Variants in SEC31B observed in about 807,000 individuals in gnomAD.
The protein encoded by SEC31B is protein transport protein Sec31B.
A neutral mutation model predicts 135.0 loss-of-function variants in SEC31B; 113 were observed. The ratio of observed to expected loss-of-function variants is 0.84; its 90% CI spans 0.72 to 0.98. SEC31B has a LOEUF of 0.98. SEC31B is among the 50% of genes least tolerant of loss of function. SEC31B has a pLI of 0.00. For synonymous variants in SEC31B, 508 were observed against 549.4 expected, an observed-to-expected ratio of 0.92 and a Z score of 1.05; for missense variants, 1,296 against 1,421.1, an observed-to-expected ratio of 0.91 and a Z score of 1.42.
intron 3 of SEC31B, 95 bp downstream of exon 3, chr10:100,516,001 C>CA (rs1680152150): frequency 6.9e-7 from 1 of 1,440,056 alleles, no homozygotes; most frequent in African/African-American, 1.5e-5. Context: ...CTTCTTCCCT[C>CA]ACTTGGCTCC....
At chr10:100,502,118 G>A in intron 11 of SEC31B, 136 bp downstream of exon 11, 1 of 693,896 alleles carries the variant, frequency 1.4e-6, no homozygotes, top group East Asian at 2.5e-5. Flanking sequence ...GGTATAGTGT[G>A]GGGGAAAAAC....
At chr10:100,488,772 T>C in intron 24 of SEC31B, 86 bp downstream of exon 24, 1 of 1,450,182 alleles carries the variant, frequency 6.9e-7, no homozygotes. Flanking sequence ...GAGAAGAGAG[T>C]CACACAAGGA....
At chr10:100,490,944 CAG>C in intron 19 of SEC31B, 61 bp from the exon 20 acceptor site, 2 of 1,217,496 alleles carry the variant, frequency 1.6e-6, no homozygotes, top group Non-Finnish European at 2.1e-6. Context: ...TAATAGAAAA[CAG>C]AAAAATAATA....
rs1554841346 is a variant in SEC31B, at chr10:100,498,029, C to T, written c.1863G>A (p.Ser621=). 1.4e-5 allele frequency: 23 copies of T among 1,613,986 alleles called. No homozygotes were observed. Among genetic ancestry groups the T allele is most frequent in the Admixed American group, 8.3e-5 (5 of 60,000 alleles). The change falls in exon 15 of 26, where the codon TCG becomes TCA. Residue 621 remains serine, a splice_region_variant and synonymous_variant. Transcript: ENST00000370345. ...CTTCTCCTGCATGATGGGCAGTTACCGAGGAGATTTTGGTTTTCTTCTTGG... is the reference window on the plus strand; with the variant it reads ...CTTCTCCTGCATGATGGGCAGTTACTGAGGAGATTTTGGTTTTCTTCTTGG... ...YLAKKKTKIS[S]LLACVVQKNW...
chr10:100,511,099 G>T (rs1222862281), intron 3 of SEC31B, among the ~76,000 whole-genome samples: 1 of 152,234 alleles, frequency 6.6e-6, no homozygotes, highest in African/African-American at 2.4e-5. Context: ...GAGACCTCAA[G>T]GGGGAGTCAC....
chr10:100,495,217 G>A, intron 19 of SEC31B, 168 bp downstream of exon 19: 1 of 700,068 alleles, frequency 1.4e-6, no homozygotes, highest in Non-Finnish European at 2.4e-6. Context: ...TATGTCCTAA[G>A]AGCCTAGTAG....
rs1359990988 is a variant in SEC31B, at chr10:100,496,265, C to T, written c.2303G>A (p.Cys768Tyr). 1 of 1,613,922 alleles carries T rather than the reference C, an allele frequency of 6.2e-7. No homozygotes were observed. The highest frequency in any genetic ancestry group is 2.2e-5 in the East Asian group (1 of 44,892). The change falls in exon 18 of 26, where the codon TGT (cysteine) becomes TAT (tyrosine). Residue 768 changes from cysteine to tyrosine, a missense_variant. Transcript: ENST00000370345. ...ATAMSFLPRD[C>Y]AQPPVQQLRD... ...CCACATGGCCCCACTTACCTGAGCA[C>T]AGTCCCTGGGTAGAAAGCTCATGGC...
In SEC31B at chr10:100,487,743, GCATCCACA is replaced by G; in HGVS notation, c.3405_3412del (p.Val1136ArgfsTer4). 2 of 1,614,038 alleles carry G rather than the reference GCATCCACA, an allele frequency of 1.2e-6. No individual in the cohort carries two copies. Among genetic ancestry groups the G allele is most frequent in the Admixed American group, 1.7e-5 (1 of 60,002 alleles). On this transcript the variant is annotated frameshift_variant, in exon 26 of 26. Coordinates refer to ENST00000370345, the MANE Select transcript of SEC31B (RefSeq NM_015490.4). LOFTEE classifies it high-confidence loss of function. ...TGCAAGGCCCTGCTCAAAGCTTCCT[GCATCCACA>G]CATCGGGCAACCTCATGGAGCCCAG... is the stretch of plus-strand genomic sequence containing the variant.
chr10:100,498,558 T>G lies in SEC31B; in HGVS notation c.1684+147A>C. 3 of 633,526 alleles carry G rather than the reference T, an allele frequency of 4.7e-6. No individual in the cohort carries two copies. In the East Asian group the frequency reaches 7.9e-5, roughly 17 times the overall value. The allele number at this position is 633,526 out of a possible 1,614,324, so 39.2% of individuals were successfully genotyped here. A position where few individuals can be genotyped will look rare whatever the true frequency, so the allele number is the denominator to read the frequency against. On this transcript the variant is annotated intron_variant, in intron 14 of 25. Transcript: ENST00000370345. ...ATGAAAATCTACAACCAGAGAGAGC[T>G]CTAACTGGTAAGCGACTCACTCAGC...
At chr10:100,519,059 A>C (rs2133703167) in intron 1 of SEC31B, among the ~76,000 whole-genome samples, 1 of 152,336 alleles carries the variant, frequency 6.6e-6, no homozygotes, top group Middle Eastern at 3.4e-3. Flanking sequence ...TTATCAGGTA[A>C]GTACTATGAT....
At chr10:100,488,144 AC>A in intron 24 of SEC31B, 46 bp from the exon 25 acceptor site, 1 of 1,517,202 alleles carries the variant, frequency 6.6e-7, no homozygotes, top group Non-Finnish European at 9.2e-7. Context: ...TAAGTCTAAC[AC>A]CACACAGGGC....
chr10:100,494,575 G>T (rs1331523056), intron 19 of SEC31B, among the ~76,000 whole-genome samples: 1 of 152,076 alleles, frequency 6.6e-6, no homozygotes, highest in Non-Finnish European at 1.5e-5. Flanking sequence ...TTCTCAAAAG[G>T]CTTCGGCTTA....
At chr10:100,488,724 A>G (rs1564647336) in intron 24 of SEC31B, 134 bp downstream of exon 24, 2 of 1,241,150 alleles carry the variant, frequency 1.6e-6, no homozygotes, top group African/African-American at 3.1e-5. Context: ...ATGGACGTCA[A>G]TTAAGTACAA....
At chr10:100,505,915 G>C in intron 9 of SEC31B, 125 bp downstream of exon 9, 2 of 1,539,186 alleles carry the variant, frequency 1.3e-6, no homozygotes, top group South Asian at 2.5e-5. Flanking sequence ...CAAAGGTGCA[G>C]CCCTCCCAAA....
chr10:100,506,443 A>G, intron 7 of SEC31B, 23 bp from the exon 8 acceptor site: 2 of 1,611,492 alleles, frequency 1.2e-6, no homozygotes, highest in Non-Finnish European at 1.7e-6. Context: ...GGGAAGAGGA[A>G]CTAGCATTTG....
At chr10:100,518,384 A>T (rs1392165820) in intron 1 of SEC31B, among the ~76,000 whole-genome samples, 1 of 152,068 alleles carries the variant, frequency 6.6e-6, no homozygotes, top group Non-Finnish European at 1.5e-5. Context: ...TACTTCCCCA[A>T]ATAAGTGAAC....
chr10:100,514,538 T>C (rs1851791259), intron 3 of SEC31B, among the ~76,000 whole-genome samples: 1 of 150,308 alleles, frequency 6.7e-6, no homozygotes, highest in Admixed American at 6.6e-5. Context: ...ATACAGGTAC[T>C]GGAAATACAA....
intron 5 of SEC31B, 191 bp downstream of exon 5, chr10:100,508,816 C>T: frequency 3.3e-6 from 2 of 602,372 alleles, no homozygotes; most frequent in South Asian, 4.0e-5. Context: ...CCAACTACCC[C>T]ATATACACCC....
In SEC31B at chr10:100,487,922, A is replaced by G. The variant is rs1056892229; in HGVS notation, c.3360+105T>C. 2.6e-6 allele frequency: 4 copies of G among 1,509,660 alleles called. No individual in the cohort carries two copies. In the African/African-American group the frequency reaches 5.5e-5, roughly 21 times the overall value. 93.5% of individuals were successfully genotyped at this position (1,509,660 alleles called of 1,614,324 possible). ...GCAAGATGCACGTATTTTGTGGGGA[A>G]CCCAGGTCAGTGACACCTATGGGAA... On this transcript the variant is annotated intron_variant, in intron 25 of 25. Transcript: ENST00000370345.
Sources: gnomAD v4.1 joint callset for allele counts (sites outside exome capture counted in the v4.1 genomes callset) on GRCh38, gnomAD v4.1.1 for gene constraint, MANE v1.5 for transcripts, NCBI Gene and HGNC (gene_info 2026-07-23, HGNC 2026-07-21) for gene names.